Variants in CUBN observed in about 807,000 individuals in gnomAD.
CUBN encodes cubilin, also known as 460 kDa receptor.
CUBN carries 282 observed loss-of-function variants against 405.3 expected under a neutral mutation model. The ratio of observed to expected loss-of-function variants is 0.70; its 90% CI spans 0.63 to 0.77. CUBN has a LOEUF of 0.77. Among genes scored for constraint, CUBN ranks in the 30% least tolerant of loss-of-function variants. The pLI, the probability that CUBN is intolerant of heterozygous loss-of-function variation, is 0.00. For missense variants in CUBN, 4,514 were observed against 4,475.2 expected, an observed-to-expected ratio of 1.01 and a Z score of -0.25; for synonymous variants, 1,684 against 1,617.0, an observed-to-expected ratio of 1.04 and a Z score of -0.99.
chr10:17,071,922 A>G lies in CUBN; in HGVS notation c.2351T>C (p.Ile784Thr). ...LLGKVCGNGT[I>T]SHIKSITNSV... ...ATTAGTAATGGATTTAATGTGAGAGATGGTTCCGTTGCCACAGACTTTTCC... is the reference window on the plus strand; with the variant it reads ...ATTAGTAATGGATTTAATGTGAGAGGTGGTTCCGTTGCCACAGACTTTTCC... The change falls in exon 18 of 67, where the codon ATC becomes ACC. Residue 784 changes from isoleucine to threonine, a missense_variant. Around this residue, in one of 5 missense-constraint regions of CUBN, gnomAD observed 1,448 missense variants for 1,388.0 expected, o/e 1.04. Transcript: ENST00000377833. The G allele has an allele frequency of 6.2e-7, 1 of 1,613,274 alleles. No individual in the cohort carries two copies. Among genetic ancestry groups the G allele is most frequent in the Non-Finnish European group, 8.5e-7 (1 of 1,179,634 alleles).
At chr10:17,100,913 A>T (rs1166916890) in intron 13 of CUBN, among the ~76,000 whole-genome samples, 1 of 152,218 alleles carries the variant, frequency 6.6e-6, no homozygotes, top group Non-Finnish European at 1.5e-5. Context: ...ATACAAGTAG[A>T]AGAGAATAAA....
At position 17,019,932 on chromosome 10, in the gene CUBN, G is replaced by C. The variant is rs780012075; in HGVS notation, c.4069C>G (p.Pro1357Ala). ...MGRYCGVDLP[P>A]PGSTTSSKLQ... ...TTGGAGCTTGTAGTACTCCCTGGAG[G>C]GGGCAGGTCTACTCCACAGTAGCGT... Residue 1357 changes from proline (P) to alanine (A), a missense_variant, in exon 28 of 67, where the codon CCT becomes GCT. Pro to Ala is a conservative substitution (Grantham distance 27). This residue lies in a region of CUBN where 242 missense variants were observed against 309.0 expected (regional missense o/e 0.78). Transcript: ENST00000377833. The C allele has an allele frequency of 1.9e-5, 31 of 1,614,120 alleles. No homozygotes were observed. Among genetic ancestry groups the C allele is most frequent in the Non-Finnish European group, 2.5e-5 (30 of 1,179,996 alleles).
At chr10:16,880,779 A>G (rs1013031330) in intron 56 of CUBN, among the ~76,000 whole-genome samples, 3 of 152,238 alleles carry the variant, frequency 2.0e-5, no homozygotes, top group Non-Finnish European at 4.4e-5. Flanking sequence ...TTGAGGTATC[A>G]ATTCAAGATA....
At chr10:17,086,728 A>G (rs1050340451) in intron 15 of CUBN, among the ~76,000 whole-genome samples, 1 of 152,198 alleles carries the variant, frequency 6.6e-6, no homozygotes, top group Non-Finnish European at 1.5e-5. Flanking sequence ...AATTTTGTCT[A>G]TTCAAATTAC....
At chr10:16,901,916 T>TACAC (rs1443092384) in intron 51 of CUBN, among the ~76,000 whole-genome samples, 91 of 110,326 alleles carry the variant, frequency 8.2e-4, no homozygotes, top group African/African-American at 3.2e-3. Context: ...TATATATATA[T>TACAC]ATACACACAC....
At chr10:17,071,652 T>C in intron 18 of CUBN, 48 bp from the exon 19 acceptor site, 2 of 1,575,232 alleles carry the variant, frequency 1.3e-6, no homozygotes, top group Non-Finnish European at 1.7e-6. Flanking sequence ...ATTAATAATT[T>C]TATCTCAATT....
intron 62 of CUBN, among the ~76,000 whole-genome samples, chr10:16,838,946 C>G (rs1839259313): frequency 6.6e-6 from 1 of 152,150 alleles, no homozygotes; most frequent in African/African-American, 2.4e-5. Flanking sequence ...ACACCCAGCC[C>G]TTTTCTTTTT....
At chr10:16,979,173 C>T (rs758343242) in intron 31 of CUBN, among the ~76,000 whole-genome samples, 17 of 152,168 alleles carry the variant, frequency 1.1e-4, no homozygotes, top group Non-Finnish European at 2.2e-4. Context: ...TTATAAACCA[C>T]TGCTCAAGGA....
At chr10:17,026,843 T>C (rs1205741054) in intron 27 of CUBN, among the ~76,000 whole-genome samples, 1 of 152,206 alleles carries the variant, frequency 6.6e-6, no homozygotes, top group Non-Finnish European at 1.5e-5. Context: ...ATAAGGCACA[T>C]GGCCACTCAT....
intron 22 of CUBN, among the ~76,000 whole-genome samples, chr10:17,054,330 T>TAAA (rs1196543311): frequency 2.7e-5 from 1 of 37,324 alleles, no homozygotes; most frequent in Non-Finnish European, 5.4e-5. Flanking sequence ...AAACTCCGTC[T>TAAA]CAAAAAAAAA....
intron 64 of CUBN, among the ~76,000 whole-genome samples, chr10:16,834,648 C>T (rs889627113): frequency 6.6e-6 from 1 of 152,202 alleles, no homozygotes; most frequent in African/African-American, 2.4e-5. Context: ...TGTCCTTAGA[C>T]TTCCCTCTGA....
At chr10:16,918,504 A>C in intron 45 of CUBN, 118 bp downstream of exon 45, 1 of 753,406 alleles carries the variant, frequency 1.3e-6, no homozygotes, top group Non-Finnish European at 2.2e-6. Flanking sequence ...GGTACTAGGC[A>C]TAGTACCTGG....
intron 27 of CUBN, among the ~76,000 whole-genome samples, chr10:17,026,648 A>G (rs781211257): frequency 6.6e-6 from 1 of 151,754 alleles, no homozygotes; most frequent in African/African-American, 2.4e-5. Flanking sequence ...AAAAATAAAT[A>G]AATAAATAAT....
intron 60 of CUBN, among the ~76,000 whole-genome samples, chr10:16,848,518 G>C (rs972925262): frequency 6.6e-6 from 1 of 151,956 alleles, no homozygotes; most frequent in African/African-American, 2.4e-5. Context: ...AAAAATTGAC[G>C]AAATGATGAG....
At chr10:16,923,834 A>G (rs1465711322) in intron 43 of CUBN, among the ~76,000 whole-genome samples, 2 of 152,182 alleles carry the variant, frequency 1.3e-5, no homozygotes, top group East Asian at 3.9e-4. Flanking sequence ...CACTTTGGGA[A>G]GCCAAGGCAG....
intron 6 of CUBN, chr10:17,122,412 G>A (rs1352088667): frequency 2.8e-6 from 1 of 351,112 alleles, no homozygotes; most frequent in African/African-American, 2.2e-5. Flanking sequence ...GTACAGCTGG[G>A]GACACTGGTG....
chr10:16,869,240 A>G (rs1266242236), intron 59 of CUBN, among the ~76,000 whole-genome samples: 1 of 137,694 alleles, frequency 7.3e-6, no homozygotes, highest in Admixed American at 8.0e-5. Context: ...ATTTTGGCCC[A>G]CTGCAACCTC....
At position 17,013,491 on chromosome 10, in the gene CUBN, T is replaced by C. The variant is rs574290484; in HGVS notation, c.4168+6342A>G. On this transcript the variant is annotated intron_variant, in intron 28 of 66. Coordinates refer to ENST00000377833, the MANE Select transcript of CUBN (RefSeq NM_001081.4). Reference sequence around the variant, plus strand: ...TTTCCCTGCCTCTGCCAGCCACTTATGCTGCTGTTCTCCTCTCTCCTTCCC... The same window carrying C: ...TTTCCCTGCCTCTGCCAGCCACTTACGCTGCTGTTCTCCTCTCTCCTTCCC... 5.3e-5 allele frequency among the ~76,000 whole-genome samples: 8 copies of C among 152,260 alleles called. No individual in the cohort carries two copies. In the South Asian group the frequency reaches 1.5e-3, roughly 28 times the overall value.
intron 46 of CUBN, among the ~76,000 whole-genome samples, chr10:16,915,598 G>C (rs1841861117): frequency 6.6e-6 from 1 of 152,146 alleles, no homozygotes; most frequent in Non-Finnish European, 1.5e-5. Flanking sequence ...CTCTCCCCAA[G>C]TGGCCTCCAG....
Sources: gnomAD v4.1 joint callset for allele counts (sites outside exome capture counted in the v4.1 genomes callset) on GRCh38, gnomAD v4.1.1 for gene constraint, gnomAD v4.1.1 regional missense constraint, MANE v1.5 for transcripts, NCBI Gene and HGNC (gene_info 2026-07-23, HGNC 2026-07-21) for gene names.